The following NAPEPLD variants were observed in gnomAD, a reference collection of about 807,000 sequenced individuals.
NAPEPLD encodes N-acyl-phosphatidylethanolamine-hydrolyzing phospholipase D.
In NAPEPLD, 23 loss-of-function variants were observed where a neutral mutation model predicts 38.1. The ratio of observed to expected loss-of-function variants is 0.60; its 90% CI spans 0.43 to 0.86. The LOEUF (loss-of-function observed/expected upper bound fraction) is 0.86, where lower values mean the gene tolerates loss of function less well. Ranked by LOEUF, NAPEPLD falls within the 40% of genes least tolerant of loss-of-function variation. NAPEPLD has a pLI of 0.00. For missense variants in NAPEPLD, 411 were observed against 476.8 expected (o/e 0.86, Z 1.28); for synonymous variants, 147 against 162.0 (o/e 0.91, Z 0.71).
At chr7:103,127,062 C>G (rs1274210390) in intron 2 of NAPEPLD, 4 of 151,994 alleles carry the variant, frequency 2.6e-5, no homozygotes, top group Non-Finnish European at 5.9e-5. Flanking sequence ...AGGACATTTT[C>G]AAAGATACAG....
In NAPEPLD at chr7:103,128,087, T is replaced by C. The variant is rs548292901; in HGVS notation, c.294+396A>G. On this transcript the variant is annotated intron_variant, in intron 2 of 4. Coordinates refer to ENST00000465647, the MANE Select transcript of NAPEPLD (RefSeq NM_001122838.3). The stretch of plus-strand genomic sequence containing the variant: ...ATATTCTACACACGTACCAGGCTAC[T>C]ACCTTCCAGAGCAGGTAATACACTG... 8 of 186,232 alleles carry C rather than the reference T, an allele frequency of 4.3e-5. No individual in the cohort carries two copies. The East Asian group carries it at 1.1e-3, about 27-fold the overall frequency. 11.5% of individuals were successfully genotyped at this position (186,232 alleles called of 1,614,324 possible).
chr7:103,138,267 T>A (rs1452533845), intron 1 of NAPEPLD, among the ~76,000 whole-genome samples: 1 of 144,078 alleles, frequency 6.9e-6, no homozygotes, highest in African/African-American at 2.4e-5. Context: ...AAAATGGGAC[T>A]ACTTTCTCTC....
Position 103,119,594 on chromosome 7 carries a change from G to C in NAPEPLD, c.924C>G (p.Ile308Met). 6.2e-7 allele frequency: 1 copy of C among 1,613,680 alleles called. No individual in the cohort carries two copies. Among genetic ancestry groups the C allele is most frequent in the South Asian group, 1.1e-5 (1 of 91,040 alleles). The change falls in exon 3 of 5, where the codon ATC becomes ATG. Residue 308 changes from isoleucine (I) to methionine (M), a missense_variant. By Grantham distance (10) the Ile-to-Met change is conservative (BLOSUM62 1). Coordinates refer to ENST00000465647, the MANE Select transcript of NAPEPLD (RefSeq NM_001122838.3). ...CTACATACCTCGGTTCATAAGCTCCGATGGGAATAGCTGCAAGGTCAAAAG... is the reference window on the plus strand; with the variant it reads ...CTACATACCTCGGTTCATAAGCTCCCATGGGAATAGCTGCAAGGTCAAAAG... ...FGPFDLAAIP[I>M]GAYEPRWFMK...
intron 4 of NAPEPLD, among the ~76,000 whole-genome samples, chr7:103,108,029 C>G (rs1368591433): frequency 6.6e-6 from 1 of 151,926 alleles, no homozygotes; most frequent in Non-Finnish European, 1.5e-5. Context: ...AAGGGAAGCC[C>G]ATCAGACTAA....
intron 2 of NAPEPLD, among the ~76,000 whole-genome samples, chr7:103,121,503 T>C (rs1036185826): frequency 8.5e-5 from 13 of 152,200 alleles, no homozygotes; most frequent in African/African-American, 3.1e-4. Flanking sequence ...GGAAAAATTC[T>C]TCTCCAGAGC....
intron 1 of NAPEPLD, among the ~76,000 whole-genome samples, chr7:103,147,121 TAATA>T (rs1424472538): frequency 1.3e-5 from 2 of 152,200 alleles, no homozygotes; most frequent in African/African-American, 4.8e-5. Context: ...AATAAATGGT[TAATA>T]AATTCAAAAG....
At chr7:103,129,985 T>A (rs1808589703) in intron 1 of NAPEPLD, among the ~76,000 whole-genome samples, 3 of 152,226 alleles carry the variant, frequency 2.0e-5, no homozygotes, top group Admixed American at 2.0e-4. Flanking sequence ...TTGACCTATA[T>A]AGGACTCCAG....
chr7:103,132,360 G>A (rs1585879344), intron 1 of NAPEPLD, among the ~76,000 whole-genome samples: 1 of 152,252 alleles, frequency 6.6e-6, no homozygotes, highest in East Asian at 1.9e-4. Flanking sequence ...ATAAATCCAA[G>A]AGACAACAAA....
chr7:103,136,229 C>T (rs7777800), intron 1 of NAPEPLD, among the ~76,000 whole-genome samples: 146,280 of 151,648 alleles, frequency 0.96, 70,753 homozygotes, highest in Middle Eastern at 1. Context: ...ATCATGCCAC[C>T]GCACTCCAGC....
chr7:103,125,649 G>A (rs1023474866), intron 2 of NAPEPLD, among the ~76,000 whole-genome samples: 6 of 152,178 alleles, frequency 3.9e-5, no homozygotes, highest in African/African-American at 1.4e-4. Context: ...TTGGGAAGCC[G>A]GGGCGGGTGG....
intron 1 of NAPEPLD, among the ~76,000 whole-genome samples, chr7:103,131,155 T>C (rs1287006952): frequency 6.6e-6 from 1 of 152,186 alleles, no homozygotes; most frequent in African/African-American, 2.4e-5. Flanking sequence ...TATCTGTATT[T>C]GTCATATACA....
intron 2 of NAPEPLD, among the ~76,000 whole-genome samples, chr7:103,120,811 T>C (rs1219677408): frequency 7.2e-6 from 1 of 139,218 alleles, no homozygotes; most frequent in African/African-American, 2.7e-5. Flanking sequence ...CCCCCCAGGG[T>C]CAAGTGATCA....
At chr7:103,149,877 A>G (rs992091577), upstream of NAPEPLD, among the ~76,000 whole-genome samples, 7 of 152,200 alleles carry the variant, frequency 4.6e-5, no homozygotes, top group Non-Finnish European at 7.4e-5. Context: ...CTTACAGCCT[A>G]TGGCGCTAGG....
chr7:103,114,217 T>G (rs1050455387), intron 4 of NAPEPLD, among the ~76,000 whole-genome samples: 4 of 152,136 alleles, frequency 2.6e-5, no homozygotes, highest in Admixed American at 1.3e-4. Flanking sequence ...TTTCTAAGTT[T>G]TGTTTAGAGA....
In NAPEPLD at chr7:103,119,979, G is replaced by T; in HGVS notation, c.539C>A (p.Ala180Glu). The change falls in exon 3 of 5, where the codon GCG becomes GAG. Residue 180 changes from alanine to glutamate, a missense_variant. Ala to Glu is a moderately radical substitution (Grantham distance 107). Coordinates refer to ENST00000465647, the MANE Select transcript of NAPEPLD (RefSeq NM_001122838.3). ...CTISELPPID[A>E]VLISHNHYDH... The stretch of plus-strand genomic sequence containing the variant: ...ATAGTGGTTGTGACTGATAAGGACC[G>T]CATCTATTGGAGGGAGTTCACTTAT... 6.2e-7 allele frequency: 1 copy of T among 1,614,196 alleles called. No individual in the cohort carries two copies. The highest frequency in any genetic ancestry group is 8.5e-7 in the Non-Finnish European group (1 of 1,180,042).
rs1585899734 is a variant in NAPEPLD, at chr7:103,141,396, C to T, written c.-17+7415G>A. ...TTGGACAAAGTCTTGATGATCTCCT[C>T]CTTCTTGGCCTGGAGGTGCTCTTCA... is the stretch of plus-strand genomic sequence containing the variant. On this transcript the variant is annotated intron_variant, in intron 1 of 4. Transcript: ENST00000465647. 4 of 833,368 alleles carry T rather than the reference C, an allele frequency of 4.8e-6. No homozygotes were observed. The Admixed American group carries it at 6.8e-5, about 14-fold the overall frequency. 51.6% of individuals were successfully genotyped at this position (833,368 alleles called of 1,614,324 possible). A position where few individuals can be genotyped will look rare whatever the true frequency, so the allele number is the denominator to read the frequency against.
chr7:103,105,375 A>G (rs1026894039), intron 4 of NAPEPLD, among the ~76,000 whole-genome samples: 5 of 152,202 alleles, frequency 3.3e-5, no homozygotes, highest in African/African-American at 1.2e-4. Flanking sequence ...TTCATGATAT[A>G]CAACAATAGA....
Position 103,140,548 on chromosome 7 carries a change from A to G in NAPEPLD, c.-17+8263T>C, listed in dbSNP as rs557990712. 5.9e-5 allele frequency among the ~76,000 whole-genome samples: 9 copies of G among 151,738 alleles called. No homozygotes were observed. The South Asian group carries it at 1.9e-3, about 32-fold the overall frequency. On this transcript the variant is annotated intron_variant, in intron 1 of 4. Coordinates refer to ENST00000465647, the MANE Select transcript of NAPEPLD (RefSeq NM_001122838.3). ...GCTGGGACTACAGGAGCCCGCCACC[A>G]CGCCCGGCTAATTTTTTTGTATTTT...
intron 2 of NAPEPLD, chr7:103,127,574 G>GT (rs1808076918): frequency 6.6e-6 from 1 of 152,332 alleles, no homozygotes; most frequent in East Asian, 1.9e-4. Flanking sequence ...GCCCTAGAAT[G>GT]TAAGTCGGCA....
Sources: gnomAD v4.1 joint callset for allele counts (sites outside exome capture counted in the v4.1 genomes callset) on GRCh38, gnomAD v4.1.1 for gene constraint, MANE v1.5 for transcripts, NCBI Gene and HGNC (gene_info 2026-07-23, HGNC 2026-07-21) for gene names.